KCNQ1: variants seen among roughly 807,000 people sequenced by gnomAD.
The protein encoded by KCNQ1 is potassium voltage-gated channel subfamily KQT member 1.
In KCNQ1, 49 loss-of-function variants were observed where a neutral mutation model predicts 72.4. The observed-to-expected ratio is 0.68, with a 90% CI of 0.54 to 0.86. The LOEUF (loss-of-function observed/expected upper bound fraction) is 0.86. Among genes scored for constraint, KCNQ1 ranks in the 40% least tolerant of loss-of-function variants. The probability of loss-of-function intolerance (pLI) is 0.00; values close to 1 mark genes in which losing one functional copy is unlikely to be tolerated. For synonymous variants in KCNQ1, 450 were observed against 412.6 expected (o/e 1.09, Z -1.10); for missense variants, 790 against 945.1 (o/e 0.84, Z 2.15).
chr11:2,675,202 T>C (rs1850270804), intron 11 of KCNQ1: 2 of 398,550 alleles, frequency 5.0e-6, no homozygotes, highest in Non-Finnish European at 8.8e-6. Context: ...GTCAATATTG[T>C]GTCATTTCCC....
chr11:2,672,719 T>C, intron 11 of KCNQ1: 1 of 398,810 alleles, frequency 2.5e-6, no homozygotes, highest in Non-Finnish European at 4.4e-6. Context: ...AGATGTCAGG[T>C]TCCAGACTCC....
chr11:2,513,441 C>T (rs1589921781), intron 1 of KCNQ1, among the ~76,000 whole-genome samples: 1 of 152,288 alleles, frequency 6.6e-6, no homozygotes, highest in East Asian at 1.9e-4. Context: ...CCTCAAAGTG[C>T]TGGGCAGTCC....
chr11:2,480,087 T>A (rs1188590746), intron 1 of KCNQ1, among the ~76,000 whole-genome samples: 1 of 152,190 alleles, frequency 6.6e-6, no homozygotes, highest in Non-Finnish European at 1.5e-5. Flanking sequence ...ATTGTCCATA[T>A]CATTATCAGA....
rs879822224 is a variant in KCNQ1, at chr11:2,564,700, C to A, written c.478-5928C>A. Among the ~76,000 whole-genome samples the A allele has an allele frequency of 3.3e-5, 5 of 152,234 alleles. No individual in the cohort carries two copies. Among genetic ancestry groups the A allele is most frequent in the Admixed American group, 1.3e-4 (2 of 15,284 alleles). On this transcript the variant is annotated intron_variant, in intron 2 of 15. Coordinates refer to ENST00000155840, the MANE Select transcript of KCNQ1 (RefSeq NM_000218.3). The surrounding 1 kb of genome is among the most constrained non-coding windows in gnomAD (Gnocchi z 4.5). ...CAGCTCCAGAGCTTTTTTCATCTTG[C>A]AAAACTGATGAAAGTCTGTCCCCAT... is the stretch of plus-strand genomic sequence containing the variant.
Position 2,481,085 on chromosome 11 carries a change from G to C in KCNQ1, c.386+35601G>C, listed in dbSNP as rs887714558. Among the ~76,000 whole-genome samples, 1 of 152,200 alleles carries C rather than the reference G, an allele frequency of 6.6e-6. No individual in the cohort carries two copies. Among genetic ancestry groups the C allele is most frequent in the African/African-American group, 2.4e-5 (1 of 41,436 alleles). ...CACATCATGTTGGATTTCACTCATAGCCACGAGAACGGGTGGTGGTCTCTT... is the reference window on the plus strand; with the variant it reads ...CACATCATGTTGGATTTCACTCATACCCACGAGAACGGGTGGTGGTCTCTT... On this transcript the variant is annotated intron_variant, in intron 1 of 15. Coordinates refer to ENST00000155840, the MANE Select transcript of KCNQ1 (RefSeq NM_000218.3). This position sits in a 1 kb window ranked among gnomAD's most constrained non-coding sequence, Gnocchi z 4.6.
chr11:2,546,361 T>C (rs1847902486), intron 2 of KCNQ1, among the ~76,000 whole-genome samples: 2 of 152,188 alleles, frequency 1.3e-5, no homozygotes, highest in Non-Finnish European at 2.9e-5. Context: ...CAGAATATGA[T>C]TTATCTTGGT....
intron 2 of KCNQ1, among the ~76,000 whole-genome samples, chr11:2,554,692 C>T (rs1848041841): frequency 6.6e-6 from 1 of 152,212 alleles, no homozygotes; most frequent in Non-Finnish European, 1.5e-5. Flanking sequence ...AGTCCCTTCT[C>T]AGAGGAATGA....
Position 2,538,016 on chromosome 11 carries a change from C to T in KCNQ1, c.477+9998C>T, listed in dbSNP as rs1847763913. Among the ~76,000 whole-genome samples, 1 of 152,200 alleles carries T rather than the reference C, an allele frequency of 6.6e-6. No individual in the cohort carries two copies. The highest frequency in any genetic ancestry group is 1.5e-5 in the Non-Finnish European group (1 of 68,048). ...ATAGGCATGAACCACTGCACTCAGC[C>T]TGCTTTGTTTTTATCCTGAGTCATT... On this transcript the variant is annotated intron_variant, in intron 2 of 15. Coordinates refer to ENST00000155840, the MANE Select transcript of KCNQ1 (RefSeq NM_000218.3). The surrounding 1 kb of genome is among the most constrained non-coding windows in gnomAD (Gnocchi z 6.7).
chr11:2,494,144 T>A lies in KCNQ1; in HGVS notation c.387-33784T>A, dbSNP rs1846874971. ...GGGATTCACTCATGATTTGGCTCTC[T>A]GCTTGTCTATTTTTGGTGTATAGGA... On this transcript the variant is annotated intron_variant, in intron 1 of 15. Transcript: ENST00000155840. The surrounding 1 kb of genome is among the most constrained non-coding windows in gnomAD (Gnocchi z 4.6). Among the ~76,000 whole-genome samples the A allele has an allele frequency of 6.6e-6, 1 of 152,208 alleles. No individual in the cohort carries two copies. Among genetic ancestry groups the A allele is most frequent in the Non-Finnish European group, 1.5e-5 (1 of 68,028 alleles).
chr11:2,605,108 C>T (rs185481015), intron 10 of KCNQ1, among the ~76,000 whole-genome samples: 36 of 152,144 alleles, frequency 2.4e-4, no homozygotes, highest in Admixed American at 1.9e-3. Context: ...ATTTCTATTC[C>T]GATTTTTCAT....
chr11:2,730,054 G>A (rs766449169), intron 11 of KCNQ1, among the ~76,000 whole-genome samples: 2 of 152,122 alleles, frequency 1.3e-5, no homozygotes, highest in Non-Finnish European at 2.9e-5. Context: ...CGAGAGCTAG[G>A]ACACGTGAAG....
intron 10 of KCNQ1, chr11:2,610,568 G>A: frequency 2.5e-6 from 1 of 398,322 alleles, no homozygotes; most frequent in Non-Finnish European, 4.4e-6. Context: ...CTTCCTGGGA[G>A]CACTTCCTTT....
At chr11:2,574,923 CT>C (rs1362662623) in intron 6 of KCNQ1, among the ~76,000 whole-genome samples, 2 of 152,170 alleles carry the variant, frequency 1.3e-5, no homozygotes, top group African/African-American at 4.8e-5. Context: ...CCCAGCCCCC[CT>C]GCGGGAGCCT....
chr11:2,672,365 ACAGGCTGATATGATTGAGCT>A (rs914400924), intron 11 of KCNQ1: 44 of 398,324 alleles, frequency 1.1e-4, no homozygotes, highest in African/African-American at 4.5e-4. Context: ...GGCAGCCTTC[ACAGGCTGATATGATTGAGCT>A]CAGGCTGGTA....
At chr11:2,568,500 C>T (rs945933380) in intron 2 of KCNQ1, among the ~76,000 whole-genome samples, 3 of 152,128 alleles carry the variant, frequency 2.0e-5, no homozygotes, top group African/African-American at 7.2e-5. Flanking sequence ...GCCTTTTTCA[C>T]GATGACCAAA....
chr11:2,788,532 C>T (rs1846955549), intron 15 of KCNQ1, among the ~76,000 whole-genome samples: 1 of 151,956 alleles, frequency 6.6e-6, no homozygotes, highest in Non-Finnish European at 1.5e-5. Context: ...CGGCAGCTCC[C>T]CCTCCCCTCT....
intron 11 of KCNQ1, chr11:2,696,968 A>T (rs940374158): frequency 2.0e-5 from 8 of 398,230 alleles, no homozygotes; most frequent in African/African-American, 1.6e-4. Context: ...TAAGTTCCTT[A>T]ATTTTTTTTT....
intron 11 of KCNQ1, chr11:2,699,427 A>G: frequency 2.5e-6 from 1 of 400,056 alleles, no homozygotes; most frequent in Non-Finnish European, 4.3e-6. Flanking sequence ...CGCGCTGAGG[A>G]GAGTCTGGGA....
At chr11:2,702,401 GA>G (rs1182091718) in intron 11 of KCNQ1, among the ~76,000 whole-genome samples, 3 of 152,188 alleles carry the variant, frequency 2.0e-5, no homozygotes, top group African/African-American at 7.2e-5. Flanking sequence ...AACACAGGCT[GA>G]AAAGCTCCCT....
Sources: gnomAD v4.1 joint callset for allele counts (sites outside exome capture counted in the v4.1 genomes callset) on GRCh38, gnomAD v4.1.1 for gene constraint, Gnocchi (gnomAD v3.1) non-coding constraint, MANE v1.5 for transcripts, NCBI Gene and HGNC (gene_info 2026-07-23, HGNC 2026-07-21) for gene names.